The following TC2N variants were observed in gnomAD, a reference collection of about 807,000 sequenced individuals.
TC2N encodes tandem C2 domains, nuclear.
In TC2N, 51 loss-of-function variants were observed where a neutral mutation model predicts 61.9. The ratio of observed to expected loss-of-function variants is 0.82; its 90% confidence interval spans 0.66 to 1.04. The LOEUF is 1.04. Ranked by LOEUF, TC2N falls within the 50% of genes least tolerant of loss-of-function variation. The pLI is 0.00. For missense variants in TC2N, 556 were observed against 566.7 expected (o/e 0.98, Z 0.19); for synonymous variants, 204 against 192.6 (o/e 1.06, Z -0.49).
At chr14:91,852,844 G>A (rs1384652625) in intron 1 of TC2N, among the ~76,000 whole-genome samples, 1 of 152,100 alleles carries the variant, frequency 6.6e-6, no homozygotes, top group Non-Finnish European at 1.5e-5. Flanking sequence ...AGGCAGAGGG[G>A]GCAGATCATG....
At chr14:91,831,924 C>T (rs8023141) in intron 1 of TC2N, among the ~76,000 whole-genome samples, 1 of 151,966 alleles carries the variant, frequency 6.6e-6, no homozygotes, top group African/African-American at 2.4e-5. Flanking sequence ...AACCATAAAA[C>T]AAAAAGTTGA....
At chr14:91,786,841 T>C (rs1407528577) in intron 10 of TC2N, among the ~76,000 whole-genome samples, 3 of 152,242 alleles carry the variant, frequency 2.0e-5, no homozygotes, top group African/African-American at 7.2e-5. Context: ...CTTTTGTGGT[T>C]GTCTCCATAT....
chr14:91,823,105 G>A (rs1191469526), intron 1 of TC2N, among the ~76,000 whole-genome samples: 1 of 152,146 alleles, frequency 6.6e-6, no homozygotes, highest in Non-Finnish European at 1.5e-5. Flanking sequence ...TCAAGTATAT[G>A]TAACTTACTA....
chr14:91,824,565 T>C (rs1028739597), intron 1 of TC2N, among the ~76,000 whole-genome samples: 5 of 152,190 alleles, frequency 3.3e-5, no homozygotes, highest in African/African-American at 1.2e-4. Flanking sequence ...ATCCAATTCA[T>C]CCATTCACTT....
intron 1 of TC2N, among the ~76,000 whole-genome samples, chr14:91,834,709 T>A (rs887260639): frequency 2.6e-5 from 4 of 152,212 alleles, no homozygotes; most frequent in Non-Finnish European, 4.4e-5. Context: ...GACTCCCAGA[T>A]AGACTTCTCT....
At chr14:91,790,895 G>A (rs962089289) in intron 9 of TC2N, among the ~76,000 whole-genome samples, 1 of 152,010 alleles carries the variant, frequency 6.6e-6, no homozygotes, top group African/African-American at 2.4e-5. Flanking sequence ...AATTTGGGAG[G>A]CCGAGGCAGG....
chr14:91,846,087 T>C (rs939271032), intron 1 of TC2N, among the ~76,000 whole-genome samples: 1 of 152,192 alleles, frequency 6.6e-6, no homozygotes, highest in African/African-American at 2.4e-5. Context: ...GCTGCACCTC[T>C]GGGCAGGGAA....
intron 1 of TC2N, among the ~76,000 whole-genome samples, chr14:91,850,228 A>G (rs953831051): frequency 6.6e-6 from 1 of 151,984 alleles, no homozygotes; most frequent in African/African-American, 2.4e-5. Context: ...GCAACCTCTC[A>G]GAGTCATGAT....
intron 1 of TC2N, among the ~76,000 whole-genome samples, chr14:91,836,992 G>C (rs1259617552): frequency 6.6e-6 from 1 of 152,188 alleles, no homozygotes; most frequent in Non-Finnish European, 1.5e-5. Context: ...GATCAGCCCT[G>C]CTCTCTGCTT....
chr14:91,863,887 C>G (rs1048682804), intron 1 of TC2N, among the ~76,000 whole-genome samples: 15 of 150,810 alleles, frequency 9.9e-5, no homozygotes, highest in African/African-American at 3.7e-4. Flanking sequence ...CCCAGCTCCT[C>G]GAAAGGCTGA....
chr14:91,849,785 C>G (rs575539086), intron 1 of TC2N, among the ~76,000 whole-genome samples: 1 of 152,120 alleles, frequency 6.6e-6, no homozygotes, highest in African/African-American at 2.4e-5. Flanking sequence ...CAGTGGCTTA[C>G]CCCTGTAATC....
rs946635336 is a variant in TC2N at position 91,823,618 on chromosome 14, TA to T, written c.-56-9794del. On this transcript the variant is annotated intron_variant, in intron 1 of 11. Transcript: ENST00000435962. ...TCAAGCAACTAGATAATGTTAGGTT[TA>T]GAACCAAACCCTAAGCTTCACAACT... 5.1e-4 allele frequency among the ~76,000 whole-genome samples: 77 copies of T among 152,040 alleles called. 1 individual carries two copies. The highest frequency in any genetic ancestry group is 1.8e-3 in the African/African-American group (76 of 41,464).
At chr14:91,848,772 C>G (rs1201489855) in intron 1 of TC2N, among the ~76,000 whole-genome samples, 1 of 152,176 alleles carries the variant, frequency 6.6e-6, no homozygotes, top group African/African-American at 2.4e-5. Flanking sequence ...TACTCTTACT[C>G]CTATCTTTTC....
chr14:91,795,381 ACT>A (rs1885848097), intron 8 of TC2N, among the ~76,000 whole-genome samples: 1 of 152,238 alleles, frequency 6.6e-6, no homozygotes, highest in East Asian at 1.9e-4. Context: ...ACTACAGGGA[ACT>A]TTTTTGTGAA....
chr14:91,825,984 T>C (rs1221055390), intron 1 of TC2N, among the ~76,000 whole-genome samples: 1 of 152,298 alleles, frequency 6.6e-6, no homozygotes, highest in East Asian at 1.9e-4. Context: ...CAATGTTCCA[T>C]GTACATCACT....
Position 91,847,166 on chromosome 14 carries a change from G to A in TC2N, c.-57+20096C>T, listed in dbSNP as rs534815413. Among the ~76,000 whole-genome samples, 4 of 151,814 alleles carry A rather than the reference G, an allele frequency of 2.6e-5. No homozygotes were observed. The South Asian group carries it at 6.2e-4, about 24-fold the overall frequency. On this transcript the variant is annotated intron_variant, in intron 1 of 11. Coordinates refer to ENST00000435962, the MANE Select transcript of TC2N (RefSeq NM_001128596.3). ...CCAGCTACTCAGGAGGCTGAGGTAG[G>A]AGAATTGCTTGAACCCGGGAGGCAG...
chr14:91,790,900 G>C (rs1454061924), intron 9 of TC2N, among the ~76,000 whole-genome samples: 1 of 151,988 alleles, frequency 6.6e-6, no homozygotes, highest in Non-Finnish European at 1.5e-5. Context: ...GGGAGGCCGA[G>C]GCAGGAGGAC....
At position 91,837,274 on chromosome 14, in the gene TC2N, G is replaced by A. The variant is rs1194347633; in HGVS notation, c.-56-23449C>T. On this transcript the variant is annotated intron_variant, in intron 1 of 11. Coordinates refer to ENST00000435962, the MANE Select transcript of TC2N (RefSeq NM_001128596.3). The surrounding 1 kb of genome is among the most constrained non-coding windows in gnomAD (Gnocchi z 4.2). Reference sequence around the variant, plus strand: ...TCTGTCGCCCAGGCTGGAGTGTAGCGGTGCGCCCGTGGCTCAGTGCAGCCT... The same window carrying A: ...TCTGTCGCCCAGGCTGGAGTGTAGCAGTGCGCCCGTGGCTCAGTGCAGCCT... 6.6e-6 allele frequency among the ~76,000 whole-genome samples: 1 copy of A among 152,216 alleles called. No individual in the cohort carries two copies. The highest frequency in any genetic ancestry group is 2.4e-5 in the African/African-American group (1 of 41,460).
At chr14:91,839,012 C>G (rs1043634654) in intron 1 of TC2N, among the ~76,000 whole-genome samples, 28 of 152,152 alleles carry the variant, frequency 1.8e-4, no homozygotes, top group African/African-American at 6.5e-4. Context: ...TGAGGCCGAT[C>G]TAAGGAGAAA....
Sources: gnomAD v4.1 joint callset for allele counts (sites outside exome capture counted in the v4.1 genomes callset) on GRCh38, gnomAD v4.1.1 for gene constraint, Gnocchi (gnomAD v3.1) non-coding constraint, MANE v1.5 for transcripts, NCBI Gene and HGNC (gene_info 2026-07-23, HGNC 2026-07-21) for gene names.